The following TMEM64 variants were observed in gnomAD, a reference collection of about 807,000 sequenced individuals.
The protein encoded by TMEM64 is transmembrane protein 64.
A neutral mutation model predicts 24.5 loss-of-function variants in TMEM64; 19 were observed. That is an observed-to-expected ratio of 0.78 (90% CI 0.54 to 1.14). TMEM64 has a LOEUF of 1.14. TMEM64 is among the 50% of genes most tolerant of loss of function. The probability of loss-of-function intolerance (pLI) is 0.00; values close to 1 mark genes in which losing one functional copy is unlikely to be tolerated. For missense variants in TMEM64, 487 were observed against 493.0 expected, an observed-to-expected ratio of 0.99 and a Z score of 0.12; for synonymous variants, 262 against 224.7, an observed-to-expected ratio of 1.17 and a Z score of -1.49.
intron 1 of TMEM64, among the ~76,000 whole-genome samples, chr8:90,636,010 A>G (rs1193207428): frequency 1.3e-5 from 2 of 152,212 alleles, no homozygotes; most frequent in African/African-American, 2.4e-5. Context: ...CAACTCAACA[A>G]GACCGTTGCC....
At position 90,645,401 on chromosome 8, in the gene TMEM64, C is replaced by G. The variant is rs890073654; in HGVS notation, c.505G>C (p.Val169Leu). The G allele has an allele frequency of 1.9e-6, 3 of 1,551,802 alleles. No homozygotes were observed. The highest frequency in any genetic ancestry group is 2.6e-6 in the Non-Finnish European group (3 of 1,147,052). Residue 169 changes from valine (V) to leucine (L), a missense_variant, in exon 1 of 3, where the codon GTG (valine) becomes CTG (leucine). Around this residue, in one of 3 missense-constraint regions of TMEM64, gnomAD observed 419 missense variants for 407.5 expected, o/e 1.03. Coordinates refer to ENST00000458549, the MANE Select transcript of TMEM64 (RefSeq NM_001008495.4). This position sits in a 1 kb window ranked among gnomAD's most constrained non-coding sequence, Gnocchi z 4.2. ...GVLLFVVGFI[V>L]VSFPCGWGYI... is the part of the protein sequence containing the mutation. ...CCCCAGCCGCAGGGGAAAGAGACCA[C>G]GATGAAGCCCACGACGAAGAGCAGG...
intron 2 of TMEM64, among the ~76,000 whole-genome samples, chr8:90,630,887 T>C (rs1312685075): frequency 6.6e-6 from 1 of 152,228 alleles, no homozygotes; most frequent in African/African-American, 2.4e-5. Context: ...TATTTCTGCA[T>C]GCAAATTTAA....
At position 90,624,298 on chromosome 8, in the gene TMEM64, T is replaced by C. The variant is rs1347096480; in HGVS notation, c.*1373A>G. ...GATGAGGGCAAAGCTTTCACCGTAA[T>C]GAAAAGGCAAATGGGAGGTCTCTGA... is the stretch of plus-strand genomic sequence containing the variant. On this transcript the variant is annotated 3_prime_UTR_variant, in exon 3 of 3. Coordinates refer to ENST00000458549, the MANE Select transcript of TMEM64 (RefSeq NM_001008495.4). 2 of 151,940 alleles carry C rather than the reference T, an allele frequency of 1.3e-5. No individual in the cohort carries two copies. The highest frequency in any genetic ancestry group is 2.9e-5 in the Non-Finnish European group (2 of 67,900). The allele number at this position is 151,940 out of a possible 1,614,324, so 9.4% of individuals were successfully genotyped here.
intron 2 of TMEM64, among the ~76,000 whole-genome samples, chr8:90,626,816 G>A (rs1411566656): frequency 2.6e-5 from 4 of 151,802 alleles, no homozygotes; most frequent in Non-Finnish European, 5.9e-5. Flanking sequence ...TTTTAGTAGA[G>A]ACGGGATTTT....
Position 90,623,396 on chromosome 8 carries a change from A to G in TMEM64, c.*2275T>C, listed in dbSNP as rs1336821623. 2 of 152,412 alleles carry G rather than the reference A, an allele frequency of 1.3e-5. No individual in the cohort carries two copies. The highest frequency in any genetic ancestry group is 2.9e-5 in the Non-Finnish European group (2 of 67,990). The allele number at this position is 152,412 out of a possible 1,614,324, so 9.4% of individuals were successfully genotyped here. ...ACAATGCTTTGCACGATTTATTGTG[A>G]GTGCAACTTAAAAACCCAGCAACCA... is the stretch of plus-strand genomic sequence containing the variant. On this transcript the variant is annotated 3_prime_UTR_variant, in exon 3 of 3. Coordinates refer to ENST00000458549, the MANE Select transcript of TMEM64 (RefSeq NM_001008495.4).
At chr8:90,644,524 C>T (rs1809657212) in intron 1 of TMEM64, among the ~76,000 whole-genome samples, 1 of 152,160 alleles carries the variant, frequency 6.6e-6, no homozygotes, top group Admixed American at 6.5e-5. Context: ...CCCGTGATTT[C>T]GAAATGAAGT....
Position 90,631,537 on chromosome 8 carries a change from T to C in TMEM64, c.951+15A>G, listed in dbSNP as rs374545087. ...CAGAGAGAAAAAAAGAGACAACCCT[T>C]GGCCTTAAACTCACCTGTAAACAAA... On this transcript the variant is annotated intron_variant, in intron 2 of 2. Coordinates refer to ENST00000458549, the MANE Select transcript of TMEM64 (RefSeq NM_001008495.4). The C allele has an allele frequency of 7.9e-6, 12 of 1,519,702 alleles. No homozygotes were observed. Among genetic ancestry groups the C allele is most frequent in the Non-Finnish European group, 1.1e-5 (12 of 1,118,618 alleles). 94.1% of individuals were successfully genotyped at this position (1,519,702 alleles called of 1,614,324 possible).
chr8:90,630,486 T>C (rs1033229932), intron 2 of TMEM64, among the ~76,000 whole-genome samples: 1 of 152,192 alleles, frequency 6.6e-6, no homozygotes, highest in African/African-American at 2.4e-5. Context: ...CTACCACTTA[T>C]TAGTCGGGAC....
At chr8:90,635,915 T>A (rs1327197530) in intron 1 of TMEM64, among the ~76,000 whole-genome samples, 1 of 152,206 alleles carries the variant, frequency 6.6e-6, no homozygotes, top group Non-Finnish European at 1.5e-5. Context: ...ATAGAACACA[T>A]AATTGACATT....
intron 1 of TMEM64, among the ~76,000 whole-genome samples, chr8:90,642,908 G>A (rs1244266411): frequency 6.6e-6 from 1 of 152,150 alleles, no homozygotes. Context: ...AATACCTATT[G>A]CAAGAGGCCA....
intron 1 of TMEM64, among the ~76,000 whole-genome samples, chr8:90,639,923 AT>A (rs1809579013): frequency 6.6e-6 from 1 of 152,220 alleles, no homozygotes; most frequent in Non-Finnish European, 1.5e-5. Flanking sequence ...ATATACATTA[AT>A]ATAACAGGCT....
At chr8:90,630,512 A>T (rs1809421111) in intron 2 of TMEM64, among the ~76,000 whole-genome samples, 1 of 152,154 alleles carries the variant, frequency 6.6e-6, no homozygotes. Flanking sequence ...ACAAGTTACT[A>T]TCTAATGGTG....
intron 2 of TMEM64, among the ~76,000 whole-genome samples, chr8:90,628,511 G>C (rs796532979): frequency 3.3e-5 from 5 of 152,288 alleles, no homozygotes; most frequent in African/African-American, 1.2e-4. Flanking sequence ...GGGCAGTGTC[G>C]AGAAACTAGG....
chr8:90,636,724 A>G (rs1046445457), intron 1 of TMEM64, among the ~76,000 whole-genome samples: 5 of 152,170 alleles, frequency 3.3e-5, no homozygotes, highest in African/African-American at 1.2e-4. Flanking sequence ...TCCTTGTTCT[A>G]CTTTGTAGAA....
chr8:90,633,198 T>A (rs188981106), intron 1 of TMEM64, among the ~76,000 whole-genome samples: 2 of 152,316 alleles, frequency 1.3e-5, no homozygotes, highest in East Asian at 3.9e-4. Flanking sequence ...TGAATAGGAC[T>A]TCCACTTCTT....
chr8:90,637,193 A>G (rs556782334), intron 1 of TMEM64, among the ~76,000 whole-genome samples: 1 of 152,346 alleles, frequency 6.6e-6, no homozygotes, highest in South Asian at 2.1e-4. Flanking sequence ...GCATTTCTGG[A>G]GCTGACAACA....
rs1308409193 is a variant in TMEM64 at position 90,625,810 on chromosome 8, T to G, written c.1004A>C (p.Glu335Ala). ...ACAAGCTACAATAGCTGCATTCAAT[T>G]CCACTTGAGCTCGATGAACTACATA... ...MFYVVHRAQV[E>A]LNAAIVACEM... The change falls in exon 3 of 3, where the codon GAA becomes GCA. Residue 335 changes from glutamate (E) to alanine (A), a missense_variant. This residue lies in a region of TMEM64 where 58 missense variants were observed against 58.2 expected (regional missense o/e 1.00). Coordinates refer to ENST00000458549, the MANE Select transcript of TMEM64 (RefSeq NM_001008495.4). 3 of 1,613,872 alleles carry G rather than the reference T, an allele frequency of 1.9e-6. No individual in the cohort carries two copies. The highest frequency in any genetic ancestry group is 2.5e-6 in the Non-Finnish European group (3 of 1,179,882).
chr8:90,641,902 C>T (rs1379808420), intron 1 of TMEM64, among the ~76,000 whole-genome samples: 2 of 152,126 alleles, frequency 1.3e-5, no homozygotes, highest in Admixed American at 6.5e-5. Context: ...AGCTTTGCAG[C>T]AGGTATTATT....
chr8:90,629,772 TC>T (rs2130497523), intron 2 of TMEM64, among the ~76,000 whole-genome samples: 1 of 151,970 alleles, frequency 6.6e-6, no homozygotes, highest in South Asian at 2.1e-4. Flanking sequence ...AAAAACTGAC[TC>T]TTTGCATGTC....
Sources: gnomAD v4.1 joint callset for allele counts (sites outside exome capture counted in the v4.1 genomes callset) on GRCh38, gnomAD v4.1.1 for gene constraint, gnomAD v4.1.1 regional missense constraint, Gnocchi (gnomAD v3.1) non-coding constraint, MANE v1.5 for transcripts, NCBI Gene and HGNC (gene_info 2026-07-23, HGNC 2026-07-21) for gene names.